TCEANC2: variants seen among roughly 807,000 people sequenced by gnomAD.
TCEANC2 encodes transcription elongation factor A N-terminal and central domain-containing protein 2.
Under a neutral mutation model 22.8 loss-of-function variants are expected in TCEANC2, and 20 were observed. That is an observed-to-expected ratio of 0.88 (90% CI 0.62 to 1.28). The LOEUF is 1.28. Among genes scored for constraint, TCEANC2 ranks in the 50% most tolerant of loss-of-function variants. TCEANC2 has a pLI of 0.00. For missense variants in TCEANC2, 251 were observed against 249.7 expected (o/e 1.01, Z -0.03); for synonymous variants, 84 against 95.5 (o/e 0.88, Z 0.70).
At position 54,082,651 on chromosome 1, in the gene TCEANC2, A is replaced by C. The variant is rs1436037209; in HGVS notation, c.245-5946A>C. 2.0e-5 allele frequency among the ~76,000 whole-genome samples: 3 copies of C among 152,148 alleles called. No individual in the cohort carries two copies. The East Asian group carries it at 5.8e-4, about 29-fold the overall frequency. On this transcript the variant is annotated intron_variant, in intron 3 of 4. Coordinates refer to ENST00000234827, the MANE Select transcript of TCEANC2 (RefSeq NM_153035.3). ...AGCATGACCCCAAACAGGGACATGC[A>C]AGCTGCTCTCTATGGCTAGAAGTTA... is the stretch of plus-strand genomic sequence containing the variant.
At chr1:54,083,415 AGAG>A (rs1162006851) in intron 3 of TCEANC2, among the ~76,000 whole-genome samples, 1 of 152,186 alleles carries the variant, frequency 6.6e-6, no homozygotes, top group Non-Finnish European at 1.5e-5. Flanking sequence ...GAGGAGATAG[AGAG>A]GAGAAGAGAC....
At chr1:54,092,331 A>C (rs1051114598) in intron 4 of TCEANC2, among the ~76,000 whole-genome samples, 1 of 152,248 alleles carries the variant, frequency 6.6e-6, no homozygotes, top group Non-Finnish European at 1.5e-5. Context: ...GGTACTAGCA[A>C]GTATCAACAC....
chr1:54,095,906 C>T (rs1383239124), intron 4 of TCEANC2, among the ~76,000 whole-genome samples: 1 of 152,052 alleles, frequency 6.6e-6, no homozygotes, highest in African/African-American at 2.4e-5. Flanking sequence ...CTCTAAAATG[C>T]CGTAAGGAGT....
chr1:54,092,642 A>G (rs1286728395), intron 4 of TCEANC2, among the ~76,000 whole-genome samples: 1 of 152,248 alleles, frequency 6.6e-6, no homozygotes, highest in East Asian at 1.9e-4. Context: ...TTTCAACTCT[A>G]GCAGTCCTTA....
rs749252727 is a variant in TCEANC2 at position 54,096,241 on chromosome 1, T to C, written c.439-44T>C. On this transcript the variant is annotated intron_variant, in intron 4 of 4. Transcript: ENST00000234827. This position sits in a 1 kb window ranked among gnomAD's most constrained non-coding sequence, Gnocchi z 4.9. ...TCCAGCCTCTCTTGCTTTTAATCCT[T>C]ACGCAATGTAAGGCTCTAATTTGAT... 2 of 1,554,340 alleles carry C rather than the reference T, an allele frequency of 1.3e-6. No homozygotes were observed. The highest frequency in any genetic ancestry group is 3.6e-5 in the Admixed American group (2 of 56,118).
At chr1:54,108,859 C>A (rs1048872093), downstream of TCEANC2, among the ~76,000 whole-genome samples, 1 of 152,046 alleles carries the variant, frequency 6.6e-6, no homozygotes, top group African/African-American at 2.4e-5. Flanking sequence ...GTAGTCCCAG[C>A]TACTCGGGAG....
At position 54,096,203 on chromosome 1, in the gene TCEANC2, C is replaced by G. The variant is rs938871685; in HGVS notation, c.439-82C>G. ...AATTTCAGTTGATTAATGGAGGCCT[C>G]TGAGCAGAGTGCTCCAGCCTCTCTT... On this transcript the variant is annotated intron_variant, in intron 4 of 4. Transcript: ENST00000234827. The surrounding 1 kb of genome is among the most constrained non-coding windows in gnomAD (Gnocchi z 4.9). The G allele has an allele frequency of 7.4e-6, 11 of 1,486,464 alleles. No homozygotes were observed. In the African/African-American group the frequency reaches 1.3e-4, roughly 17 times the overall value. The allele number at this position is 1,486,464 out of a possible 1,614,324, so 92.1% of individuals were successfully genotyped here.
At chr1:54,080,577 T>TA (rs1658221360) in intron 3 of TCEANC2, among the ~76,000 whole-genome samples, 1 of 152,240 alleles carries the variant, frequency 6.6e-6, no homozygotes, top group South Asian at 2.1e-4. Flanking sequence ...TTAGGACCCG[T>TA]ATAACACCTT....
At chr1:54,054,053 G>A in intron 1 of TCEANC2, 1 of 311,754 alleles carries the variant, frequency 3.2e-6, no homozygotes. Flanking sequence ...CCCTTTCACA[G>A]CCCAATCTTA....
chr1:54,065,956 C>T (rs1657946690), intron 2 of TCEANC2, among the ~76,000 whole-genome samples: 1 of 151,508 alleles, frequency 6.6e-6, no homozygotes, highest in Admixed American at 6.6e-5. Context: ...CCTGCAGTCC[C>T]AGCTACTCGG....
intron 2 of TCEANC2, among the ~76,000 whole-genome samples, chr1:54,067,448 T>C (rs115412555): frequency 2.6e-3 from 394 of 152,302 alleles, no homozygotes; most frequent in Non-Finnish European, 4.4e-3. Context: ...AAAAGTAACC[T>C]ATACGAGAAA....
rs1328136524 is a variant in TCEANC2 at position 54,104,762 on chromosome 1, G to A, written c.*8289G>A. The stretch of plus-strand genomic sequence containing the variant: ...TCGCCATGTTGGCCAGACTAGTTTT[G>A]AACTTCTGGCCTCAAGCAGTCCACC... On this transcript the variant is annotated 3_prime_UTR_variant, in exon 5 of 5. Transcript: ENST00000234827. The A allele has an allele frequency of 2.2e-6, 1 of 444,586 alleles. No individual in the cohort carries two copies. Among genetic ancestry groups the A allele is most frequent in the Non-Finnish European group, 4.6e-6 (1 of 218,948 alleles). 27.5% of individuals were successfully genotyped at this position (444,586 alleles called of 1,614,324 possible).
intron 2 of TCEANC2, 75 bp downstream of exon 2, chr1:54,054,599 A>G (rs1657708247): frequency 1.4e-6 from 2 of 1,427,132 alleles, no homozygotes; most frequent in African/African-American, 1.4e-5. Context: ...TCTGTTGTGG[A>G]AAGACCTATG....
At chr1:54,069,048 G>A in intron 3 of TCEANC2, 151 bp downstream of exon 3, 1 of 858,624 alleles carries the variant, frequency 1.2e-6, no homozygotes, top group Non-Finnish European at 1.6e-6. Flanking sequence ...ATTATCTGTT[G>A]GTTGCAGGCC....
rs6693044 is a variant in TCEANC2, at chr1:54,102,872, T to A, written c.*6399T>A. 0.018 allele frequency: 2,721 copies of A among 152,420 alleles called. 74 individuals are homozygous for A. The highest frequency in any genetic ancestry group is 0.061 in the African/African-American group (2,543 of 41,582). 9.4% of individuals were successfully genotyped at this position (152,420 alleles called of 1,614,324 possible). On this transcript the variant is annotated 3_prime_UTR_variant, in exon 5 of 5. Coordinates refer to ENST00000234827, the MANE Select transcript of TCEANC2 (RefSeq NM_153035.3). ...GAGTGGGGAGTCCTTCTAGTGGGCA[T>A]AGGTTGTGCATCATGCACCTAGCCA...
Position 54,080,199 on chromosome 1 carries a change from G to A in TCEANC2, c.245-8398G>A, listed in dbSNP as rs796567905. On this transcript the variant is annotated intron_variant, in intron 3 of 4. Transcript: ENST00000234827. ...CACTCTGTCAGACAGGCTGGAGTCCGGTGGTGCGATCTTGGCGCACTGAAA... is the reference window on the plus strand; with the variant it reads ...CACTCTGTCAGACAGGCTGGAGTCCAGTGGTGCGATCTTGGCGCACTGAAA... 5.3e-5 allele frequency among the ~76,000 whole-genome samples: 8 copies of A among 149,944 alleles called. No individual in the cohort carries two copies. In the South Asian group the frequency reaches 1.3e-3, roughly 24 times the overall value.
chr1:54,085,897 C>G (rs886292150), intron 3 of TCEANC2, among the ~76,000 whole-genome samples: 21 of 151,862 alleles, frequency 1.4e-4, no homozygotes, highest in African/African-American at 4.8e-4. Context: ...CCTCACCTGG[C>G]TAATTTTTTA....
intron 2 of TCEANC2, among the ~76,000 whole-genome samples, chr1:54,059,563 T>C (rs1414973433): frequency 1.3e-5 from 2 of 152,266 alleles, no homozygotes; most frequent in African/African-American, 2.4e-5. Flanking sequence ...AAATGCTTTC[T>C]GGGTTCTCTA....
chr1:54,060,606 A>T (rs180723878), intron 2 of TCEANC2, among the ~76,000 whole-genome samples: 1 of 151,848 alleles, frequency 6.6e-6, no homozygotes, highest in African/African-American at 2.4e-5. Flanking sequence ...ATTATATGTG[A>T]TCCATTACAG....
Sources: gnomAD v4.1 joint callset for allele counts (sites outside exome capture counted in the v4.1 genomes callset) on GRCh38, gnomAD v4.1.1 for gene constraint, Gnocchi (gnomAD v3.1) non-coding constraint, MANE v1.5 for transcripts, NCBI Gene and HGNC (gene_info 2026-07-23, HGNC 2026-07-21) for gene names.